Variants in MGA observed in about 807,000 individuals in gnomAD.
MGA encodes the protein MAX gene-associated protein.
MGA carries 40 observed loss-of-function variants against 261.1 expected under a neutral mutation model. The ratio of observed to expected loss-of-function variants is 0.15; its 90% confidence interval spans 0.12 to 0.20. MGA has a LOEUF of 0.20. Ranked by LOEUF, MGA falls within the 10% of genes least tolerant of loss-of-function variation. MGA has a pLI of 1.00. For synonymous variants in MGA, 1,302 were observed against 1,290.6 expected (o/e 1.01, Z -0.19); for missense variants, 3,397 against 3,630.5 (o/e 0.94, Z 1.65).
At chr15:41,673,079 G>A (rs181644245) in intron 2 of MGA, among the ~76,000 whole-genome samples, 199 of 152,050 alleles carry the variant, frequency 1.3e-3, no homozygotes, top group African/African-American at 4.7e-3. Context: ...TACCATTCAC[G>A]TGGTTCTCCT....
At chr15:41,630,899 T>A (rs762869998) in intron 1 of MGA, among the ~76,000 whole-genome samples, 1 of 152,146 alleles carries the variant, frequency 6.6e-6, no homozygotes, top group Admixed American at 6.5e-5. Flanking sequence ...CTGGTGTGAA[T>A]TGTAGGTGTG....
chr15:41,747,989 G>T (rs1453947765), intron 15 of MGA, among the ~76,000 whole-genome samples: 1 of 152,200 alleles, frequency 6.6e-6, no homozygotes, highest in Non-Finnish European at 1.5e-5. Context: ...GGGCATGGTG[G>T]CTCATGGCTG....
At chr15:41,745,591 A>T (rs774122756) in intron 15 of MGA, among the ~76,000 whole-genome samples, 7 of 141,670 alleles carry the variant, frequency 4.9e-5, no homozygotes, top group East Asian at 3.9e-4. Context: ...ATTTTTATTT[A>T]AAAAAAATAT....
At position 41,668,946 on chromosome 15, in the gene MGA, G is replaced by A. The variant is rs2057910134; in HGVS notation, c.52G>A (p.Ala18Thr). Residue 18 changes from alanine (A) to threonine (T), a missense_variant, in exon 2 of 24, where the codon GCA becomes ACA. Physicochemically the swap from Ala to Thr is moderately conservative, Grantham distance 58 (BLOSUM62 0). Transcript: ENST00000219905. ...GGCTAATCAAGATGGTGGAACAGTGGCAGGAGCAGCACCTACCTTCTTTGT... is the reference window on the plus strand; with the variant it reads ...GGCTAATCAAGATGGTGGAACAGTGACAGGAGCAGCACCTACCTTCTTTGT... The A allele has an allele frequency of 1.9e-6, 3 of 1,602,860 alleles. No individual in the cohort carries two copies. Among genetic ancestry groups the A allele is most frequent in the Admixed American group, 3.4e-5 (2 of 59,654 alleles).
chr15:41,742,880 C>G lies in MGA; in HGVS notation c.4920C>G (p.Val1640=). The G allele has an allele frequency of 1.2e-6, 2 of 1,614,014 alleles. No individual in the cohort carries two copies. Among genetic ancestry groups the G allele is most frequent in the Non-Finnish European group, 8.5e-7 (1 of 1,179,888 alleles). The change falls in exon 15 of 24, where the codon GTC becomes GTG. Residue 1640 remains valine (V), a synonymous_variant. Coordinates refer to ENST00000219905, the MANE Select transcript of MGA (RefSeq NM_001164273.2). ...CCACCACTACAGGGGTTGTTGAGGTCTCTGAAACTAATACCAGCACCTCTG... is the reference window on the plus strand; with the variant it reads ...CCACCACTACAGGGGTTGTTGAGGTGTCTGAAACTAATACCAGCACCTCTG...
intron 9 of MGA, among the ~76,000 whole-genome samples, chr15:41,715,721 C>G (rs1409053734): frequency 6.6e-6 from 1 of 151,970 alleles, no homozygotes; most frequent in African/African-American, 2.4e-5. Context: ...GTGACCAGTG[C>G]CAGGGTATTC....
At chr15:41,732,177 C>T (rs868694720) in intron 11 of MGA, among the ~76,000 whole-genome samples, 3 of 144,800 alleles carry the variant, frequency 2.1e-5, no homozygotes, top group Admixed American at 7.0e-5. Context: ...GAGACGAATT[C>T]TCGCTCTGTC....
chr15:41,662,417 C>T (rs1157489428), intron 1 of MGA, among the ~76,000 whole-genome samples: 3 of 152,214 alleles, frequency 2.0e-5, no homozygotes, highest in Non-Finnish European at 4.4e-5. Flanking sequence ...GCAGTACTCT[C>T]TTACGCAGGT....
upstream of MGA, among the ~76,000 whole-genome samples, chr15:41,658,779 A>G (rs947878859): frequency 2.6e-5 from 4 of 151,452 alleles, no homozygotes; most frequent in Admixed American, 6.6e-5. Context: ...AGGAGTACCA[A>G]AAGAGAATCT....
intron 2 of MGA, among the ~76,000 whole-genome samples, chr15:41,690,691 C>G (rs1268851919): frequency 6.6e-6 from 1 of 152,078 alleles, no homozygotes; most frequent in Non-Finnish European, 1.5e-5. Context: ...CCTGTCTCTA[C>G]TAAAGAGAAC....
chr15:41,728,009 TA>T (rs926806087), intron 10 of MGA, among the ~76,000 whole-genome samples: 3 of 152,146 alleles, frequency 2.0e-5, no homozygotes, highest in African/African-American at 7.2e-5. Context: ...TATTATAGTA[TA>T]AAACTGTTTC....
intron 15 of MGA, 59 bp from the exon 16 acceptor site, chr15:41,748,578 T>C (rs2062645473): frequency 2.0e-6 from 3 of 1,526,478 alleles, no homozygotes; most frequent in Non-Finnish European, 1.8e-6. Context: ...GAATACTTTT[T>C]TTTCCTACGT....
At position 41,764,985 on chromosome 15, in the gene MGA, C is replaced by T. The variant is rs2063725576; in HGVS notation, c.7844C>T (p.Pro2615Leu). Residue 2615 changes from proline (P) to leucine (L), a missense_variant, in exon 23 of 24, where the codon CCA (proline) becomes CTA (leucine). By Grantham distance (98) the Pro-to-Leu change is moderately conservative. Coordinates refer to ENST00000219905, the MANE Select transcript of MGA (RefSeq NM_001164273.2). ...CTAAAAGGTCCCCTATTCTCAGGAC[C>T]AGTGGTAGCTGTTTCTCCTGATCTC... is the stretch of plus-strand genomic sequence containing the variant. 6.2e-7 allele frequency: 1 copy of T among 1,613,926 alleles called. No individual in the cohort carries two copies. The highest frequency in any genetic ancestry group is 8.5e-7 in the Non-Finnish European group (1 of 1,179,900).
intron 2 of MGA, among the ~76,000 whole-genome samples, chr15:41,672,341 G>T (rs1212157774): frequency 6.6e-6 from 1 of 152,170 alleles, no homozygotes; most frequent in Non-Finnish European, 1.5e-5. Flanking sequence ...TTTTAGTAGA[G>T]AAGAGGTTTT....
chr15:41,757,449 G>A (rs542451394), intron 18 of MGA, among the ~76,000 whole-genome samples: 1 of 152,260 alleles, frequency 6.6e-6, no homozygotes, highest in East Asian at 1.9e-4. Context: ...TATGTTATAT[G>A]CAAATACTAT....
chr15:41,759,375 T>C (rs1232690337), intron 19 of MGA, among the ~76,000 whole-genome samples: 1 of 152,072 alleles, frequency 6.6e-6, no homozygotes, highest in Non-Finnish European at 1.5e-5. Context: ...TAAAAAGTGA[T>C]TGTTTCTGAG....
chr15:41,699,064 G>T lies in MGA; in HGVS notation c.2093G>T (p.Gly698Val), dbSNP rs1471011414. ...TTATTACTATTTATTTTGGGTGTAG[G>T]TTACAGAGCAAGAATTTCCCAGTTG... Residue 698 changes from glycine (G) to valine (V), a missense_variant and splice_region_variant, in exon 5 of 24, where the codon GGT (glycine) becomes GTT (valine). Transcript: ENST00000219905. 6.2e-7 allele frequency: 1 copy of T among 1,609,372 alleles called. No individual in the cohort carries two copies.
upstream of MGA, among the ~76,000 whole-genome samples, chr15:41,657,090 T>C (rs747494117): frequency 6.6e-6 from 1 of 152,204 alleles, no homozygotes; most frequent in Non-Finnish European, 1.5e-5. Context: ...CAGAAAGTCT[T>C]AAAAGTTCCT....
Position 41,669,906 on chromosome 15 carries a change from A to G in MGA, c.1012A>G (p.Thr338Ala), listed in dbSNP as rs3803348. The change falls in exon 2 of 24, where the codon ACT becomes GCT. Residue 338 changes from threonine to alanine, a missense_variant. Around this residue, in one of 9 missense-constraint regions of MGA, gnomAD observed 563 missense variants for 563.6 expected, o/e 1.00. Coordinates refer to ENST00000219905, the MANE Select transcript of MGA (RefSeq NM_001164273.2). The stretch of plus-strand genomic sequence containing the variant: ...ACGAGACTTTCTTGGTTTCATGGAT[A>G]CTGATTCAGCACTTAGTGAAGTTCC... The G allele has an allele frequency of 1.4e-4, 233 of 1,613,988 alleles. No homozygotes were observed. The East Asian group carries it at 4.1e-3, about 28-fold the overall frequency.
Sources: gnomAD v4.1 joint callset for allele counts (sites outside exome capture counted in the v4.1 genomes callset) on GRCh38, gnomAD v4.1.1 for gene constraint, gnomAD v4.1.1 regional missense constraint, MANE v1.5 for transcripts, NCBI Gene and HGNC (gene_info 2026-07-23, HGNC 2026-07-21) for gene names.